Variants in SH3GL3 observed in about 807,000 individuals in gnomAD.
SH3GL3 encodes the protein SH3 domain containing GRB2 like 3, endophilin A3, also known as endophilin-A3.
SH3GL3 carries 33 observed loss-of-function variants against 47.7 expected under a neutral mutation model. The observed-to-expected ratio is 0.69, with a 90% confidence interval of 0.52 to 0.92. The LOEUF is 0.92. Among genes scored for constraint, SH3GL3 ranks in the 40% least tolerant of loss-of-function variants. The pLI, the probability that SH3GL3 is intolerant of heterozygous loss-of-function variation, is 0.00. For missense variants in SH3GL3, 363 were observed against 417.8 expected, an observed-to-expected ratio of 0.87 and a Z score of 1.14; for synonymous variants, 155 against 148.8, an observed-to-expected ratio of 1.04 and a Z score of -0.30.
chr15:83,539,083 A>C (rs1381286606), intron 1 of SH3GL3, among the ~76,000 whole-genome samples: 2 of 152,204 alleles, frequency 1.3e-5, no homozygotes, highest in Admixed American at 6.5e-5. Flanking sequence ...GTGGCATCTC[A>C]TTGTGGTTAA....
intron 1 of SH3GL3, among the ~76,000 whole-genome samples, chr15:83,481,318 C>T (rs551196339): frequency 5.3e-5 from 8 of 150,644 alleles, no homozygotes; most frequent in African/African-American, 9.8e-5. Context: ...TCACAGGGAG[C>T]GGAAACATGC....
At chr15:83,568,391 A>G (rs1383927973) in intron 3 of SH3GL3, 138 bp from the exon 4 acceptor site, 1 of 615,828 alleles carries the variant, frequency 1.6e-6, no homozygotes, top group East Asian at 2.8e-5. Flanking sequence ...AATAGTTCAC[A>G]CACAATTGTT....
chr15:83,463,754 GCTTTCTTTCTTT>G (rs1233590511), intron 1 of SH3GL3, among the ~76,000 whole-genome samples: 1 of 109,504 alleles, frequency 9.1e-6, no homozygotes, highest in Non-Finnish European at 1.9e-5. Context: ...TCCCATGTCT[GCTTTCTTTCTTT>G]CTTTTTTTTT....
chr15:83,461,703 G>A (rs1002449498), intron 1 of SH3GL3, among the ~76,000 whole-genome samples: 2 of 151,884 alleles, frequency 1.3e-5, no homozygotes, highest in Admixed American at 1.3e-4. Context: ...AGCAAGGTTT[G>A]ACTTAGACAT....
At chr15:83,625,248 T>C in the SH3GL3 span, among the ~76,000 whole-genome samples, 36 of 152,256 alleles carry the variant, frequency 2.4e-4, no homozygotes, top group African/African-American at 7.0e-4. Flanking sequence ...AGTCAGGTTG[T>C]AATGTTTTTA....
intron 3 of SH3GL3, among the ~76,000 whole-genome samples, chr15:83,566,365 AGTGTGTGTGTGTGT>A (rs57323112): frequency 7.3e-5 from 10 of 136,694 alleles, no homozygotes; most frequent in African/African-American, 1.4e-4. Flanking sequence ...AGAGAGAGAG[AGTGTGTGTGTGTGT>A]GTGTGTGTGT....
At chr15:83,605,029 G>A (rs370168404) in intron 8 of SH3GL3, among the ~76,000 whole-genome samples, 24 of 152,306 alleles carry the variant, frequency 1.6e-4, no homozygotes, top group East Asian at 1.4e-3. Context: ...TTGAGGCCAC[G>A]CATGTCAGTG....
At chr15:83,497,179 G>A (rs2042113510) in intron 1 of SH3GL3, among the ~76,000 whole-genome samples, 1 of 152,108 alleles carries the variant, frequency 6.6e-6, no homozygotes, top group Non-Finnish European at 1.5e-5. Flanking sequence ...GTTCTTGAAT[G>A]GCTTCCTCTT....
At chr15:83,499,415 A>C (rs530741667) in intron 1 of SH3GL3, among the ~76,000 whole-genome samples, 1 of 151,914 alleles carries the variant, frequency 6.6e-6, no homozygotes, top group South Asian at 2.1e-4. Flanking sequence ...AAAAAAAGAA[A>C]GGCACTTATC....
At chr15:83,622,398 G>A (rs1456858548), downstream of SH3GL3, among the ~76,000 whole-genome samples, 3 of 152,176 alleles carry the variant, frequency 2.0e-5, no homozygotes, top group African/African-American at 4.8e-5. Context: ...ATTTACCAAA[G>A]GGCATCAGAA....
At chr15:83,522,079 G>A (rs1328807081) in intron 1 of SH3GL3, among the ~76,000 whole-genome samples, 2 of 152,110 alleles carry the variant, frequency 1.3e-5, no homozygotes, top group Non-Finnish European at 2.9e-5. Flanking sequence ...GAGGCAGCTG[G>A]AAACGTGAGT....
chr15:83,544,285 A>G (rs2044302735), intron 1 of SH3GL3, among the ~76,000 whole-genome samples: 1 of 152,084 alleles, frequency 6.6e-6, no homozygotes, highest in Non-Finnish European at 1.5e-5. Context: ...CTTCAGTAGC[A>G]TACTGTTTAA....
At chr15:83,617,769 T>C (rs1039087978) in intron 8 of SH3GL3, among the ~76,000 whole-genome samples, 9 of 152,218 alleles carry the variant, frequency 5.9e-5, no homozygotes, top group Non-Finnish European at 1.0e-4. Flanking sequence ...GGTGGGCCTG[T>C]GATTCCTCTG....
At chr15:83,599,617 A>C (rs2060328614) in intron 8 of SH3GL3, among the ~76,000 whole-genome samples, 1 of 152,174 alleles carries the variant, frequency 6.6e-6, no homozygotes, top group Non-Finnish European at 1.5e-5. Flanking sequence ...GGCTGGTCCC[A>C]TATTTTTGCA....
At chr15:83,505,293 C>G (rs191000324) in intron 1 of SH3GL3, among the ~76,000 whole-genome samples, 1 of 152,226 alleles carries the variant, frequency 6.6e-6, no homozygotes, top group Admixed American at 6.5e-5. Flanking sequence ...TTTAACATTA[C>G]TAGATAATGG....
chr15:83,456,068 A>T (rs8023347), intron 1 of SH3GL3, among the ~76,000 whole-genome samples: 4 of 70,922 alleles, frequency 5.6e-5, no homozygotes, highest in Admixed American at 1.3e-4. Flanking sequence ...ATACCCTGCC[A>T]TGTGAGATGT....
At chr15:83,472,353 T>C (rs1414605877) in intron 1 of SH3GL3, among the ~76,000 whole-genome samples, 4 of 152,220 alleles carry the variant, frequency 2.6e-5, no homozygotes, top group Admixed American at 2.0e-4. Flanking sequence ...TTAGGTCCTT[T>C]GTTATGGTCC....
rs190421522 is a variant in SH3GL3 at position 83,486,967 on chromosome 15, A to G, written c.45+39389A>G. Among the ~76,000 whole-genome samples, 340 of 152,172 alleles carry G rather than the reference A, an allele frequency of 2.2e-3. 5 individuals carry two copies. Among genetic ancestry groups the G allele is most frequent in the Admixed American group, 0.019 (294 of 15,280 alleles). On this transcript the variant is annotated intron_variant, in intron 1 of 8. Transcript: ENST00000427482. The stretch of plus-strand genomic sequence containing the variant: ...ACCGGCCCCATCATGGGGTCCCTAC[A>G]CTTGTCCCTCTTCTAAACCTGATAA...
At chr15:83,463,083 G>T (rs149788507) in intron 1 of SH3GL3, among the ~76,000 whole-genome samples, 1 of 152,214 alleles carries the variant, frequency 6.6e-6, no homozygotes, top group Non-Finnish European at 1.5e-5. Context: ...AGCATGAAGG[G>T]GAAGGGCTCA....
Sources: allele counts gnomAD v4.1 joint callset (sites outside exome capture counted in the v4.1 genomes callset), GRCh38; gene constraint gnomAD v4.1.1; transcripts MANE v1.5; gene names NCBI Gene and HGNC (gene_info 2026-07-23, HGNC 2026-07-21).